Variants in POU2F2 observed in about 807,000 individuals in gnomAD.
The protein encoded by POU2F2 is POU class 2 homeobox 2.
In POU2F2, 14 loss-of-function variants were observed where a neutral mutation model predicts 63.5. The ratio of observed to expected loss-of-function variants is 0.22; its 90% confidence interval spans 0.15 to 0.34. The LOEUF is 0.34. Among genes scored for constraint, POU2F2 ranks in the 10% least tolerant of loss-of-function variants. The pLI is 1.00. For synonymous variants in POU2F2, 306 were observed against 348.6 expected (o/e 0.88, Z 1.36); for missense variants, 607 against 815.2 (o/e 0.74, Z 3.11).
chr19:42,108,136 T>C (rs567229842), intron 5 of POU2F2, among the ~76,000 whole-genome samples: 15 of 152,330 alleles, frequency 9.8e-5, no homozygotes, highest in African/African-American at 3.4e-4. Context: ...CTTTCCTTCA[T>C]AGCAATTATC....
At chr19:42,175,542 A>G (rs1414259195) in intron 1 of POU2F2, among the ~76,000 whole-genome samples, 2 of 152,142 alleles carry the variant, frequency 1.3e-5, no homozygotes, top group African/African-American at 4.8e-5. Flanking sequence ...AGGTAGAAAA[A>G]GAAAAACTAA....
chr19:42,108,041 C>T (rs990888621), intron 5 of POU2F2, among the ~76,000 whole-genome samples: 8 of 152,322 alleles, frequency 5.3e-5, no homozygotes, highest in Middle Eastern at 3.4e-3. Context: ...CTCCATCAAA[C>T]GCCCCCTCCC....
chr19:42,144,469 C>A (rs1170097776), intron 2 of POU2F2, among the ~76,000 whole-genome samples: 1 of 152,244 alleles, frequency 6.6e-6, no homozygotes, highest in Non-Finnish European at 1.5e-5. Context: ...TCAGCCTGGG[C>A]AAGCGCCTCT....
intron 2 of POU2F2, among the ~76,000 whole-genome samples, chr19:42,145,347 C>T (rs763814397): frequency 1.3e-5 from 2 of 152,204 alleles, no homozygotes; most frequent in Non-Finnish European, 2.9e-5. Flanking sequence ...CAACTTTGAG[C>T]AAACCACTCA....
At chr19:42,148,075 TC>T (rs956524756) in intron 2 of POU2F2, among the ~76,000 whole-genome samples, 1 of 151,358 alleles carries the variant, frequency 6.6e-6, no homozygotes, top group Non-Finnish European at 1.5e-5. Flanking sequence ...CTTGCCCCCC[TC>T]TTCATCCTTC....
At chr19:42,188,908 G>T (rs2035045323) in intron 1 of POU2F2, among the ~76,000 whole-genome samples, 1 of 120,082 alleles carries the variant, frequency 8.3e-6, no homozygotes, top group Non-Finnish European at 1.6e-5. Flanking sequence ...GAGAAGAGAG[G>T]AAGGAAGGAA....
chr19:42,118,069 T>C (rs140189542), intron 4 of POU2F2, among the ~76,000 whole-genome samples: 2 of 152,066 alleles, frequency 1.3e-5, no homozygotes, highest in Non-Finnish European at 2.9e-5. Flanking sequence ...AGACTACAGG[T>C]GCCCACCACA....
chr19:42,145,732 C>T (rs936144501), intron 2 of POU2F2, among the ~76,000 whole-genome samples: 7 of 152,090 alleles, frequency 4.6e-5, no homozygotes, highest in Non-Finnish European at 8.8e-5. Context: ...GTCAGGAGTT[C>T]GAGACCAGCC....
chr19:42,094,780 G>A (rs1337342896), intron 11 of POU2F2, among the ~76,000 whole-genome samples: 1 of 152,180 alleles, frequency 6.6e-6, no homozygotes, highest in Non-Finnish European at 1.5e-5. Flanking sequence ...CCTTCACACC[G>A]ATGGGGGCAG....
rs2032009422 is a variant in POU2F2, at chr19:42,117,083, T to A, written c.369+167A>T. Reference sequence around the variant, plus strand: ...GAGAAGGCAGAGAGGGGTTAGTGCCTAAGCCAAGCAAGTAAGGGGACAAGA... The same window carrying A: ...GAGAAGGCAGAGAGGGGTTAGTGCCAAAGCCAAGCAAGTAAGGGGACAAGA... On this transcript the variant is annotated intron_variant, in intron 5 of 14. Coordinates refer to ENST00000692977, the MANE Select transcript of POU2F2 (RefSeq NM_001394376.1). This position sits in a 1 kb window ranked among gnomAD's most constrained non-coding sequence, Gnocchi z 4.4. The A allele has an allele frequency of 1.5e-6, 1 of 678,900 alleles. No individual in the cohort carries two copies. The highest frequency in any genetic ancestry group is 2.4e-5 in the Admixed American group (1 of 41,360). 42.1% of individuals were successfully genotyped at this position (678,900 alleles called of 1,614,324 possible).
At chr19:42,107,537 C>T (rs909312895) in intron 5 of POU2F2, among the ~76,000 whole-genome samples, 2 of 152,118 alleles carry the variant, frequency 1.3e-5, no homozygotes, top group Non-Finnish European at 2.9e-5. Context: ...AGATCTGCAA[C>T]AACTATAAGA....
At chr19:42,128,925 T>C (rs1255480944) in intron 1 of POU2F2, among the ~76,000 whole-genome samples, 1 of 151,902 alleles carries the variant, frequency 6.6e-6, no homozygotes. Flanking sequence ...CTTTGCCTCC[T>C]GGGTTCAAGC....
chr19:42,174,016 A>C (rs1203289611), intron 1 of POU2F2, among the ~76,000 whole-genome samples: 1 of 152,090 alleles, frequency 6.6e-6, no homozygotes, highest in Admixed American at 6.5e-5. Context: ...GAAGCTTTTC[A>C]TGGGCTGATA....
At chr19:42,188,821 G>C (rs969715500) in intron 1 of POU2F2, among the ~76,000 whole-genome samples, 2 of 145,138 alleles carry the variant, frequency 1.4e-5, no homozygotes, top group African/African-American at 5.1e-5. Flanking sequence ...GAAAGAAAAA[G>C]AGAGAGGAAG....
chr19:42,094,781 A>T (rs1378308346), intron 11 of POU2F2, among the ~76,000 whole-genome samples: 1 of 152,134 alleles, frequency 6.6e-6, no homozygotes, highest in Non-Finnish European at 1.5e-5. Flanking sequence ...CTTCACACCG[A>T]TGGGGGCAGG....
intron 7 of POU2F2, chr19:42,099,240 T>G (rs753571541): frequency 5.5e-6 from 2 of 362,876 alleles, no homozygotes; most frequent in Admixed American, 8.2e-5. Flanking sequence ...ATGAGCATTT[T>G]GGGGGAATGG....
intron 4 of POU2F2, among the ~76,000 whole-genome samples, chr19:42,118,147 A>C (rs2032162028): frequency 6.6e-6 from 1 of 151,542 alleles, no homozygotes; most frequent in Non-Finnish European, 1.5e-5. Flanking sequence ...CTGGTCTTGA[A>C]CTCCTAGGCT....
Position 42,088,660 on chromosome 19 carries a change from T to C in POU2F2, c.*2597A>G, listed in dbSNP as rs1234670650. On this transcript the variant is annotated 3_prime_UTR_variant, in exon 15 of 15. Transcript: ENST00000692977. The stretch of plus-strand genomic sequence containing the variant: ...TCCTTCCTATTTGGTCAGGAGCCCT[T>C]GGCCCCCTCTCCACCCTTGGGCTGG... The C allele has an allele frequency of 6.6e-6, 1 of 152,648 alleles. No individual in the cohort carries two copies. The highest frequency in any genetic ancestry group is 1.5e-5 in the Non-Finnish European group (1 of 68,044). 9.5% of individuals were successfully genotyped at this position (152,648 alleles called of 1,614,324 possible). A position where few individuals can be genotyped will look rare whatever the true frequency, so the allele number is the denominator to read the frequency against.
rs2034706598 is a variant in POU2F2, at chr19:42,169,099, T to C, written c.-70+6864A>G. 6.6e-6 allele frequency among the ~76,000 whole-genome samples: 1 copy of C among 152,214 alleles called. No homozygotes were observed. ...ACCTATGTGATGAGTTAATTAATTC[T>C]ATACACATTTTCACACTTGAACATC... is the stretch of plus-strand genomic sequence containing the variant. On this transcript the variant is annotated intron_variant, in intron 1 of 6. Transcript: ENST00000524801. The surrounding 1 kb of genome is among the most constrained non-coding windows in gnomAD (Gnocchi z 4.3).
Sources: gnomAD v4.1 joint callset for allele counts (sites outside exome capture counted in the v4.1 genomes callset) on GRCh38, gnomAD v4.1.1 for gene constraint, Gnocchi (gnomAD v3.1) non-coding constraint, MANE v1.5 for transcripts, NCBI Gene and HGNC (gene_info 2026-07-23, HGNC 2026-07-21) for gene names.